The following PATJ variants were observed in gnomAD, a reference collection of about 807,000 sequenced individuals.
PATJ encodes the protein inaD-like protein.
Under a neutral mutation model 224.9 loss-of-function variants are expected in PATJ, and 190 were observed. The observed-to-expected ratio is 0.84, with a 90% confidence interval of 0.75 to 0.95. The LOEUF (loss-of-function observed/expected upper bound fraction) is 0.95, where lower values mean the gene tolerates loss of function less well. PATJ is among the 40% of genes least tolerant of loss of function. The probability of loss-of-function intolerance (pLI) is 0.00; values close to 1 mark genes in which losing one functional copy is unlikely to be tolerated. For synonymous variants in PATJ, 769 were observed against 820.3 expected (o/e 0.94, Z 1.07); for missense variants, 2,121 against 2,270.3 (o/e 0.93, Z 1.34).
intron 38 of PATJ, among the ~76,000 whole-genome samples, chr1:62,122,793 C>T (rs1665237923): frequency 6.6e-6 from 1 of 151,200 alleles, no homozygotes; most frequent in African/African-American, 2.4e-5. Context: ...CACTGCACTC[C>T]AGCCTGGGTG....
At chr1:62,092,051 CAAAA>C (rs574301543) in intron 33 of PATJ, among the ~76,000 whole-genome samples, 10 of 83,692 alleles carry the variant, frequency 1.2e-4, no homozygotes, top group Admixed American at 1.4e-4. Flanking sequence ...GACCCTGTCT[CAAAA>C]AAAAAAAAAA....
chr1:61,781,421 G>C (rs1287438027), intron 7 of PATJ, among the ~76,000 whole-genome samples: 1 of 150,592 alleles, frequency 6.6e-6, no homozygotes, highest in Non-Finnish European at 1.5e-5. Context: ...CCTCAGCCTG[G>C]CCCCATTTGT....
intron 31 of PATJ, among the ~76,000 whole-genome samples, chr1:62,071,853 A>T (rs1657478830): frequency 6.6e-6 from 1 of 152,116 alleles, no homozygotes. Flanking sequence ...TCATTATACA[A>T]GTTATCCCTA....
intron 31 of PATJ, among the ~76,000 whole-genome samples, chr1:62,058,729 C>T (rs1006989634): frequency 2.6e-5 from 4 of 152,128 alleles, no homozygotes; most frequent in Admixed American, 6.6e-5. Context: ...TGTGCCAGAG[C>T]TCTCATTATT....
chr1:61,874,516 AG>A (rs1667095363), intron 20 of PATJ, among the ~76,000 whole-genome samples: 1 of 152,178 alleles, frequency 6.6e-6, no homozygotes, highest in Non-Finnish European at 1.5e-5. Flanking sequence ...TATTTTATAA[AG>A]GCACTACTAA....
intron 1 of PATJ, among the ~76,000 whole-genome samples, chr1:61,745,965 C>G (rs12748476): frequency 0.093 from 13,954 of 150,560 alleles, 682 homozygotes; most frequent in Middle Eastern, 0.12. Context: ...TGAGACAGAG[C>G]CTTACTCTGT....
intron 9 of PATJ, among the ~76,000 whole-genome samples, chr1:61,792,201 T>C (rs1050206501): frequency 6.6e-6 from 1 of 152,234 alleles, no homozygotes; most frequent in Non-Finnish European, 1.5e-5. Context: ...AAGTCCTGAA[T>C]GAAATTCATG....
intron 30 of PATJ, among the ~76,000 whole-genome samples, chr1:62,039,941 G>T (rs76591246): frequency 6.6e-6 from 1 of 151,672 alleles, no homozygotes; most frequent in Admixed American, 6.6e-5. Flanking sequence ...CCTGGTTGGG[G>T]GGTGGGGGCC....
chr1:62,101,111 A>G (rs1195715622), intron 33 of PATJ, among the ~76,000 whole-genome samples: 1 of 152,154 alleles, frequency 6.6e-6, no homozygotes, highest in African/African-American at 2.4e-5. Flanking sequence ...CTAGATAGAG[A>G]AATTGGGTGG....
At position 62,163,251 on chromosome 1, in the gene PATJ, G is replaced by A. The variant is rs550270912; in HGVS notation, c.*2197G>A. 1 of 153,606 alleles carries A rather than the reference G, an allele frequency of 6.5e-6. No homozygotes were observed. Among genetic ancestry groups the A allele is most frequent in the South Asian group, 2.0e-4 (1 of 4,990 alleles). The allele number at this position is 153,606 out of a possible 1,614,324, so 9.5% of individuals were successfully genotyped here. On this transcript the variant is annotated 3_prime_UTR_variant, in exon 44 of 44. Transcript: ENST00000642238. ...ATTAAGTTTTCTGAAATTACACATG[G>A]CTTTTAAAATTTCTAATGTATCCAA...
At chr1:61,850,158 C>A (rs1324092722) in intron 17 of PATJ, among the ~76,000 whole-genome samples, 1 of 152,194 alleles carries the variant, frequency 6.6e-6, no homozygotes, top group African/African-American at 2.4e-5. Context: ...GAGTTGATGT[C>A]TCTGTCTGTG....
intron 30 of PATJ, among the ~76,000 whole-genome samples, chr1:62,046,157 A>G (rs1462482487): frequency 2.0e-5 from 3 of 147,410 alleles, no homozygotes; most frequent in African/African-American, 7.5e-5. Context: ...AGCTGTGATC[A>G]TGCCACTGCA....
intron 28 of PATJ, among the ~76,000 whole-genome samples, chr1:62,001,188 G>T (rs1202614518): frequency 2.0e-5 from 3 of 150,860 alleles, no homozygotes; most frequent in Admixed American, 2.0e-4. Context: ...AAGCTCTTTA[G>T]TTTAATTAGA....
At chr1:61,974,036 A>C (rs989962806) in intron 27 of PATJ, among the ~76,000 whole-genome samples, 1 of 151,308 alleles carries the variant, frequency 6.6e-6, no homozygotes, top group Non-Finnish European at 1.5e-5. Flanking sequence ...CCATCCCCAG[A>C]GATTTCGACT....
At chr1:61,859,592 G>A (rs1664233659) in intron 18 of PATJ, among the ~76,000 whole-genome samples, 1 of 150,792 alleles carries the variant, frequency 6.6e-6, no homozygotes, top group Non-Finnish European at 1.5e-5. Flanking sequence ...TAAAATTGAC[G>A]GCCACTTATC....
At chr1:62,029,259 A>T (rs375550840) in intron 29 of PATJ, among the ~76,000 whole-genome samples, 100 of 152,316 alleles carry the variant, frequency 6.6e-4, no homozygotes, top group African/African-American at 2.3e-3. Context: ...GGAATATCTC[A>T]TATCCTGATG....
chr1:61,912,748 T>C (rs1038137670), intron 25 of PATJ, among the ~76,000 whole-genome samples: 3 of 150,112 alleles, frequency 2.0e-5, no homozygotes, highest in Non-Finnish European at 3.0e-5. Context: ...AGCGTAAACA[T>C]TGTGAGTGGC....
At chr1:62,038,771 G>A in intron 30 of PATJ, 1 of 487,564 alleles carries the variant, frequency 2.1e-6, no homozygotes, top group Non-Finnish European at 3.8e-6. Context: ...AAATGTGATT[G>A]TGCAATACAC....
chr1:62,098,868 AT>A (rs537382438), intron 33 of PATJ, among the ~76,000 whole-genome samples: 4 of 151,978 alleles, frequency 2.6e-5, no homozygotes, highest in East Asian at 1.9e-4. Flanking sequence ...AAACATTCAA[AT>A]TTTTTTTATT....
Sources: allele counts gnomAD v4.1 joint callset (sites outside exome capture counted in the v4.1 genomes callset), GRCh38; gene constraint gnomAD v4.1.1; transcripts MANE v1.5; gene names NCBI Gene and HGNC (gene_info 2026-07-23, HGNC 2026-07-21).